Variants in ZNF217 observed in about 807,000 individuals in gnomAD.
The protein encoded by ZNF217 is zinc finger protein 217.
In ZNF217, 12 loss-of-function variants were observed where a neutral mutation model predicts 73.3. The ratio of observed to expected loss-of-function variants is 0.16; its 90% confidence interval spans 0.10 to 0.27. The LOEUF (loss-of-function observed/expected upper bound fraction) is 0.27. Among genes scored for constraint, ZNF217 ranks in the 10% least tolerant of loss-of-function variants. The pLI is 1.00. For synonymous variants in ZNF217, 588 were observed against 516.4 expected, an observed-to-expected ratio of 1.14 and a Z score of -1.88; for missense variants, 1,195 against 1,327.8, an observed-to-expected ratio of 0.90 and a Z score of 1.55.
At chr20:53,593,994 G>A (rs1362666227), upstream of ZNF217, among the ~76,000 whole-genome samples, 1 of 151,540 alleles carries the variant, frequency 6.6e-6, no homozygotes, top group Non-Finnish European at 1.5e-5. Flanking sequence ...GGCGAGGGGT[G>A]CAGCCATCCG....
intron 1 of ZNF217, among the ~76,000 whole-genome samples, chr20:53,588,739 CA>C (rs1988787158): frequency 6.6e-6 from 1 of 152,154 alleles, no homozygotes; most frequent in Non-Finnish European, 1.5e-5. Context: ...CAAGCTTAGG[CA>C]ATGCCTTTTA....
rs771589280 is a variant in ZNF217, at chr20:53,581,832, T to G, written c.995A>C (p.Glu332Ala). The change falls in exon 2 of 6, where the codon GAG (glutamate) becomes GCG (alanine). Residue 332 changes from glutamate to alanine, a missense_variant. This residue lies in a region of ZNF217 where 102 missense variants were observed against 91.9 expected (regional missense o/e 1.11). Transcript: ENST00000371471. The surrounding 1 kb of genome is among the most constrained non-coding windows in gnomAD (Gnocchi z 4.9). ...TDNDDSSSEK[E>A]LGETNKGSCA... ...ACTGCCCTTATTTGTTTCTCCAAGC[T>G]CCTTCTCGGAACTCGAATCGTCGTT... 4 of 1,614,256 alleles carry G rather than the reference T, an allele frequency of 2.5e-6. No individual in the cohort carries two copies. Among genetic ancestry groups the G allele is most frequent in the Non-Finnish European group, 3.4e-6 (4 of 1,180,036 alleles).
chr20:53,583,154 A>G lies in ZNF217; in HGVS notation c.-328T>C, dbSNP rs534644748. The G allele has an allele frequency of 2.1e-4, 87 of 411,934 alleles. No homozygotes were observed. Among genetic ancestry groups the G allele is most frequent in the Non-Finnish European group, 3.3e-4 (77 of 233,462 alleles). 25.5% of individuals were successfully genotyped at this position (411,934 alleles called of 1,614,324 possible). ...AGTCAATCCCAGCAACCTGGAGACAAGGGATTTCCAAACCCTAGAGGAAAA... is the reference window on the plus strand; with the variant it reads ...AGTCAATCCCAGCAACCTGGAGACAGGGGATTTCCAAACCCTAGAGGAAAA... On this transcript the variant is annotated 5_prime_UTR_variant, in exon 2 of 6. Coordinates refer to ENST00000371471, the MANE Select transcript of ZNF217 (RefSeq NM_006526.3).
chr20:53,576,811 CGGA>C lies in ZNF217; in HGVS notation c.1950_1952del (p.Pro651del), dbSNP rs1568683351. 1.9e-6 allele frequency: 3 copies of C among 1,614,174 alleles called. No homozygotes were observed. Among genetic ancestry groups the C allele is most frequent in the South Asian group, 1.1e-5 (1 of 91,088 alleles). On this transcript the variant is annotated inframe_deletion, in exon 4 of 6. Coordinates refer to ENST00000371471, the MANE Select transcript of ZNF217 (RefSeq NM_006526.3). ...CAAGGTTATGGGTGGTACTGCCATCCGGAGGAGGAGTAACATCCGCCTTGGTTC... is the reference window on the plus strand; with the variant it reads ...CAAGGTTATGGGTGGTACTGCCATCCGGAGGAGTAACATCCGCCTTGGTTC...
At chr20:53,594,036 A>ACC (rs558490926), upstream of ZNF217, among the ~76,000 whole-genome samples, 2,130 of 129,868 alleles carry the variant, frequency 0.016, 69 homozygotes, top group African/African-American at 0.06. Flanking sequence ...CGCCTCCAAG[A>ACC]CCCCCCCCCA....
chr20:53,591,371 AAAGAC>A (rs1239718800), intron 1 of ZNF217, among the ~76,000 whole-genome samples: 2 of 152,246 alleles, frequency 1.3e-5, no homozygotes, highest in African/African-American at 4.8e-5. Flanking sequence ...GTAGGCAAAT[AAAGAC>A]AATTCTAAAG....
chr20:53,589,765 A>T (rs1988817480), intron 1 of ZNF217, among the ~76,000 whole-genome samples: 2 of 152,232 alleles, frequency 1.3e-5, no homozygotes, highest in South Asian at 4.1e-4. Flanking sequence ...AAAAGTTTTT[A>T]TACTGCCTCT....
chr20:53,571,098 A>C (rs1002387309), intron 5 of ZNF217, among the ~76,000 whole-genome samples: 3 of 152,172 alleles, frequency 2.0e-5, no homozygotes, highest in East Asian at 1.9e-4. Context: ...GTTCCAATAA[A>C]ACTTTATTGA....
rs146015661 is a variant in ZNF217, at chr20:53,581,855, G to A, written c.972C>T (p.Asn324=). The change falls in exon 2 of 6, where the codon AAC becomes AAT. Residue 324 remains asparagine (N), a synonymous_variant. Coordinates refer to ENST00000371471, the MANE Select transcript of ZNF217 (RefSeq NM_006526.3). This position sits in a 1 kb window ranked among gnomAD's most constrained non-coding sequence, Gnocchi z 4.9. ...GCTCCTTCTCGGAACTCGAATCGTC[G>A]TTGTCGGTGCTCCCTTCTTGCCCCG... is the stretch of plus-strand genomic sequence containing the variant. ...KESGQEGSTD[N]DDSSSEKELG... is the part of the protein sequence containing the mutation. 30 of 1,614,078 alleles carry A rather than the reference G, an allele frequency of 1.9e-5. No individual in the cohort carries two copies. Among genetic ancestry groups the A allele is most frequent in the Non-Finnish European group, 2.4e-5 (28 of 1,180,038 alleles).
intron 4 of ZNF217, chr20:53,572,764 C>T (rs1401670135): frequency 6.6e-6 from 1 of 152,134 alleles, no homozygotes; most frequent in Non-Finnish European, 1.5e-5. Flanking sequence ...ACCAGTAGAG[C>T]TTCTATGTGA....
At chr20:53,575,597 T>G in intron 4 of ZNF217, 130 bp downstream of exon 4, 1 of 839,238 alleles carries the variant, frequency 1.2e-6, no homozygotes, top group South Asian at 1.9e-5. Context: ...TGCTTCTCTC[T>G]GTGACCCCCA....
At chr20:53,573,969 C>G (rs975229807) in intron 4 of ZNF217, among the ~76,000 whole-genome samples, 4 of 151,782 alleles carry the variant, frequency 2.6e-5, no homozygotes, top group African/African-American at 9.7e-5. Flanking sequence ...ACTCGGGAGG[C>G]TGAGGTAGGA....
At chr20:53,594,209 C>T (rs956855787), upstream of ZNF217, among the ~76,000 whole-genome samples, 1 of 151,666 alleles carries the variant, frequency 6.6e-6, no homozygotes, top group African/African-American at 2.4e-5. Flanking sequence ...CGCGGGGGGT[C>T]CCTAGAGCCG....
At chr20:53,595,645 G>C (rs988640090), upstream of ZNF217, among the ~76,000 whole-genome samples, 3 of 152,190 alleles carry the variant, frequency 2.0e-5, no homozygotes, top group African/African-American at 7.2e-5. Context: ...TCTTAGGCCA[G>C]CACTAAAAAA....
In ZNF217 at chr20:53,583,111, T is replaced by C. The variant is rs943187410; in HGVS notation, c.-285A>G. The C allele has an allele frequency of 2.4e-6, 1 of 417,546 alleles. No individual in the cohort carries two copies. The highest frequency in any genetic ancestry group is 4.2e-6 in the Non-Finnish European group (1 of 236,636). 25.9% of individuals were successfully genotyped at this position (417,546 alleles called of 1,614,324 possible). A position where few individuals can be genotyped will look rare whatever the true frequency, so the allele number is the denominator to read the frequency against. ...GTTCTCTTTGTCTCCATTGAATGAGTGTTTCAATTGAGCAAGAAGTCAATC... is the reference window on the plus strand; with the variant it reads ...GTTCTCTTTGTCTCCATTGAATGAGCGTTTCAATTGAGCAAGAAGTCAATC... On this transcript the variant is annotated 5_prime_UTR_variant, in exon 2 of 6. Transcript: ENST00000371471.
intron 1 of ZNF217, among the ~76,000 whole-genome samples, chr20:53,593,030 G>A (rs1568694102): frequency 1.3e-5 from 2 of 151,864 alleles, no homozygotes; most frequent in South Asian, 2.1e-4. Flanking sequence ...AATTAGAGGA[G>A]GGAAAAAAAA....
At position 53,576,904 on chromosome 20, in the gene ZNF217, A is replaced by G. The variant is rs781076093; in HGVS notation, c.1860T>C (p.Pro620=). The change falls in exon 4 of 6, where the codon CCT becomes CCC. Residue 620 remains proline (P), a synonymous_variant. Coordinates refer to ENST00000371471, the MANE Select transcript of ZNF217 (RefSeq NM_006526.3). ...SADKVNKNPT[P]AYLDLLKKRS... ...TCTTTTTTAACAGGTCCAGGTAAGCAGGGGTAGGGTTTTTATTCACTTTAT... is the reference window on the plus strand; with the variant it reads ...TCTTTTTTAACAGGTCCAGGTAAGCGGGGGTAGGGTTTTTATTCACTTTAT... 6 of 1,614,180 alleles carry G rather than the reference A, an allele frequency of 3.7e-6. No individual in the cohort carries two copies. In the Admixed American group the frequency reaches 6.7e-5, roughly 18 times the overall value.
At chr20:53,595,669 A>G (rs1379547939), upstream of ZNF217, among the ~76,000 whole-genome samples, 3 of 152,106 alleles carry the variant, frequency 2.0e-5, no homozygotes, top group Admixed American at 2.0e-4. Flanking sequence ...AATTGGGTGA[A>G]TTTTTTTTCA....
In ZNF217 at chr20:53,576,378, G is replaced by A; in HGVS notation, c.2386C>T (p.Pro796Ser). Residue 796 changes from proline to serine, a missense_variant, in exon 4 of 6, where the codon CCT (proline) becomes TCT (serine). This residue lies in a region of ZNF217 where 649 missense variants were observed against 642.8 expected (regional missense o/e 1.01). Transcript: ENST00000371471. ...SLPSAKGKQS[P>S]PGPGKAPLTS... ...AGAGGGGCCTTGCCTGGCCCAGGAGGGCTCTGCTTCCCCTTCGCAGATGGC... is the reference window on the plus strand; with the variant it reads ...AGAGGGGCCTTGCCTGGCCCAGGAGAGCTCTGCTTCCCCTTCGCAGATGGC... The A allele has an allele frequency of 2.5e-6, 4 of 1,614,204 alleles. No homozygotes were observed. The highest frequency in any genetic ancestry group is 3.4e-6 in the Non-Finnish European group (4 of 1,180,040).
Sources: allele counts gnomAD v4.1 joint callset (sites outside exome capture counted in the v4.1 genomes callset), GRCh38; gene constraint gnomAD v4.1.1; regional missense constraint gnomAD v4.1.1; non-coding constraint Gnocchi (gnomAD v3.1); transcripts MANE v1.5; gene names NCBI Gene and HGNC (gene_info 2026-07-23, HGNC 2026-07-21).